LARP1B: variants seen among roughly 807,000 people sequenced by gnomAD.
LARP1B encodes La ribonucleoprotein 1B.
LARP1B carries 76 observed loss-of-function variants against 114.2 expected under a neutral mutation model. The observed-to-expected ratio is 0.67, with a 90% CI of 0.55 to 0.81. LARP1B has a LOEUF of 0.81. Among genes scored for constraint, LARP1B ranks in the 30% least tolerant of loss-of-function variants. The pLI, the probability that LARP1B is intolerant of heterozygous loss-of-function variation, is 0.00. For missense variants in LARP1B, 1,014 were observed against 1,075.8 expected (o/e 0.94, Z 0.80); for synonymous variants, 345 against 348.0 (o/e 0.99, Z 0.10).
rs1011765697 is a variant in LARP1B, at chr4:128,176,386, C to T, written c.1649-486C>T. Among the ~76,000 whole-genome samples, 9 of 150,684 alleles carry T rather than the reference C, an allele frequency of 6.0e-5. No homozygotes were observed. The South Asian group carries it at 6.2e-4, about 10-fold the overall frequency. On this transcript the variant is annotated intron_variant, in intron 12 of 19. Transcript: ENST00000326639. ...TCGGCTCACTGCAGCCTCCACCTGC[C>T]GGGTTCAAGCAATTCTCCTGCCTCA...
intron 1 of LARP1B, among the ~76,000 whole-genome samples, chr4:128,070,874 C>G (rs921996774): frequency 4.0e-5 from 6 of 151,372 alleles, no homozygotes; most frequent in African/African-American, 1.5e-4. Context: ...TGTTGATTAT[C>G]TTGATTTTTT....
chr4:128,090,878 A>G, intron 5 of LARP1B, 123 bp from the exon 6 acceptor site: 1 of 669,600 alleles, frequency 1.5e-6, no homozygotes, highest in Non-Finnish European at 2.5e-6. Context: ...CCATCTGAAA[A>G]ATGCCTGGCT....
chr4:128,209,078 T>C (rs1218485680), intron 19 of LARP1B, among the ~76,000 whole-genome samples: 3 of 152,156 alleles, frequency 2.0e-5, no homozygotes, highest in African/African-American at 2.4e-5. Context: ...CTTATAGTTA[T>C]GCCCCATCAG....
In LARP1B at chr4:128,210,009, C is replaced by T. The variant is rs146859439; in HGVS notation, c.2701C>T (p.Pro901Ser). 3.9e-4 allele frequency: 633 copies of T among 1,614,062 alleles called. 10 individuals carry two copies. The South Asian group carries it at 5.7e-3, about 15-fold the overall frequency. Residue 901 changes from proline (P) to serine (S), a missense_variant, in exon 20 of 20, where the codon CCC becomes TCC. Coordinates refer to ENST00000326639, the MANE Select transcript of LARP1B (RefSeq NM_018078.4). ...TSELQVPINS[P>S]RRNISPESSD... Reference sequence around the variant, plus strand: ...TGAGCTTCAGGTACCAATAAACTCTCCCAGAAGGAATATTTCACCGGAGTC... The same window carrying T: ...TGAGCTTCAGGTACCAATAAACTCTTCCAGAAGGAATATTTCACCGGAGTC...
At chr4:128,167,030 G>A (rs552281465) in intron 12 of LARP1B, among the ~76,000 whole-genome samples, 114 of 136,632 alleles carry the variant, frequency 8.3e-4, no homozygotes, top group African/African-American at 2.9e-3. Flanking sequence ...ACATACACAC[G>A]TGTGTACGTA....
chr4:128,133,960 G>A (rs1792399080), intron 11 of LARP1B, among the ~76,000 whole-genome samples: 1 of 151,298 alleles, frequency 6.6e-6, no homozygotes, highest in Non-Finnish European at 1.5e-5. Flanking sequence ...GCCTCCCAAA[G>A]TGCTGGGATT....
At chr4:128,139,486 C>A (rs913871476) in intron 11 of LARP1B, among the ~76,000 whole-genome samples, 3 of 151,964 alleles carry the variant, frequency 2.0e-5, no homozygotes, top group African/African-American at 4.8e-5. Flanking sequence ...ATGGCCACTG[C>A]ACTCCAGCCT....
At chr4:128,177,105 A>G (rs956892015) in intron 13 of LARP1B, among the ~76,000 whole-genome samples, 198 bp downstream of exon 13, 6 of 152,350 alleles carry the variant, frequency 3.9e-5, no homozygotes, top group African/African-American at 1.4e-4. Flanking sequence ...CAAAATCAGC[A>G]AAATCTCATA....
At chr4:128,117,396 A>T (rs1561288873) in intron 10 of LARP1B, among the ~76,000 whole-genome samples, 1 of 150,632 alleles carries the variant, frequency 6.6e-6, no homozygotes, top group Non-Finnish European at 1.5e-5. Context: ...TTATCTATTT[A>T]TTTTTTTCAG....
chr4:128,077,496 G>C (rs1327897805), intron 3 of LARP1B, among the ~76,000 whole-genome samples: 1 of 151,366 alleles, frequency 6.6e-6, no homozygotes, highest in African/African-American at 2.4e-5. Flanking sequence ...GTGAGACTCT[G>C]TCCTCCCGCC....
intron 7 of LARP1B, among the ~76,000 whole-genome samples, chr4:128,221,766 A>C (rs977603110): frequency 1.5e-4 from 23 of 152,202 alleles, no homozygotes; most frequent in African/African-American, 5.1e-4. Context: ...CTTTAAGGGA[A>C]AGGGTCTGTG....
intron 12 of LARP1B, among the ~76,000 whole-genome samples, chr4:128,162,837 T>C (rs573127352): frequency 2.0e-5 from 3 of 152,238 alleles, no homozygotes; most frequent in African/African-American, 7.2e-5. Flanking sequence ...AAAACTCCCA[T>C]GTACCTGCTA....
At position 128,092,812 on chromosome 4, in the gene LARP1B, G is replaced by T. The variant is rs985997086; in HGVS notation, c.668+1300G>T. 9 of 985,188 alleles carry T rather than the reference G, an allele frequency of 9.1e-6. No homozygotes were observed. The African/African-American group carries it at 1.4e-4, about 15-fold the overall frequency. 61.0% of individuals were successfully genotyped at this position (985,188 alleles called of 1,614,324 possible). A position where few individuals can be genotyped will look rare whatever the true frequency, so the allele number is the denominator to read the frequency against. On this transcript the variant is annotated intron_variant, in intron 7 of 19. Transcript: ENST00000326639. ...CACTGAAGAAAAGGGCCTTTTTGTG[G>T]GCAGAAAGTGCTTGACATGTGGCTG... is the stretch of plus-strand genomic sequence containing the variant.
At chr4:128,096,498 A>C (rs1778063780) in intron 7 of LARP1B, among the ~76,000 whole-genome samples, 1 of 152,196 alleles carries the variant, frequency 6.6e-6, no homozygotes, top group Non-Finnish European at 1.5e-5. Flanking sequence ...TTTCAAGAGA[A>C]GATAAAACAT....
chr4:128,084,542 G>A (rs1428108368), intron 5 of LARP1B, among the ~76,000 whole-genome samples: 2 of 152,046 alleles, frequency 1.3e-5, no homozygotes, highest in Admixed American at 1.3e-4. Context: ...GGAGAATCAG[G>A]CAGGGAGGTT....
chr4:128,154,809 T>C (rs1247514754), intron 11 of LARP1B, among the ~76,000 whole-genome samples: 2 of 152,234 alleles, frequency 1.3e-5, no homozygotes, highest in East Asian at 3.8e-4. Flanking sequence ...TTTTTTGCTC[T>C]GTCACCCAAG....
intron 11 of LARP1B, among the ~76,000 whole-genome samples, chr4:128,160,372 G>A (rs1737877265): frequency 6.6e-6 from 1 of 152,152 alleles, no homozygotes; most frequent in Non-Finnish European, 1.5e-5. Context: ...AGGTGTATGA[G>A]CTATTTTGGG....
intron 12 of LARP1B, among the ~76,000 whole-genome samples, chr4:128,172,177 G>A (rs566640453): frequency 6.6e-6 from 1 of 150,988 alleles, no homozygotes; most frequent in South Asian, 2.1e-4. Flanking sequence ...TTTTTCTGTT[G>A]TTGAGGTTGC....
chr4:128,179,211 C>A, intron 14 of LARP1B, 195 bp from the exon 15 acceptor site: 1 of 410,420 alleles, frequency 2.4e-6, no homozygotes, highest in Non-Finnish European at 4.3e-6. Flanking sequence ...TGTCACAAAC[C>A]TACCAAAGGA....
Sources: gnomAD v4.1 joint callset for allele counts (sites outside exome capture counted in the v4.1 genomes callset) on GRCh38, gnomAD v4.1.1 for gene constraint, MANE v1.5 for transcripts, NCBI Gene and HGNC (gene_info 2026-07-23, HGNC 2026-07-21) for gene names.